Variants in CEP112 observed in about 807,000 individuals in gnomAD.
CEP112 encodes the protein centrosomal protein of 112 kDa.
Under a neutral mutation model 153.0 loss-of-function variants are expected in CEP112, and 127 were observed. The observed-to-expected ratio is 0.83, with a 90% confidence interval of 0.72 to 0.96. CEP112 has a LOEUF of 0.96. Among genes scored for constraint, CEP112 ranks in the 40% least tolerant of loss-of-function variants. CEP112 has a pLI of 0.00. For missense variants in CEP112, 1,089 were observed against 1,101.2 expected (o/e 0.99, Z 0.16); for synonymous variants, 358 against 374.4 (o/e 0.96, Z 0.51).
intron 2 of CEP112, among the ~76,000 whole-genome samples, chr17:66,177,779 T>G (rs551689230): frequency 1.3e-5 from 2 of 152,132 alleles, no homozygotes; most frequent in Non-Finnish European, 2.9e-5. Flanking sequence ...TTGTCTTAAT[T>G]TTTAGCTCCC....
chr17:66,006,417 C>A (rs1357197370), intron 16 of CEP112, among the ~76,000 whole-genome samples: 1 of 152,038 alleles, frequency 6.6e-6, no homozygotes, highest in Admixed American at 6.5e-5. Context: ...ACCAGCCTGA[C>A]CAACATGATG....
At chr17:66,094,037 C>A (rs1343219031) in intron 8 of CEP112, among the ~76,000 whole-genome samples, 1 of 151,928 alleles carries the variant, frequency 6.6e-6, no homozygotes, top group Non-Finnish European at 1.5e-5. Flanking sequence ...TTAGTGTCAA[C>A]TGATTTTCAT....
intron 22 of CEP112, among the ~76,000 whole-genome samples, chr17:65,745,334 C>A (rs1022641947): frequency 1.3e-5 from 2 of 152,164 alleles, no homozygotes; most frequent in Non-Finnish European, 2.9e-5. Flanking sequence ...CATCCATTTT[C>A]TGAATTTTGA....
chr17:66,092,242 G>A (rs989701191), intron 8 of CEP112, among the ~76,000 whole-genome samples: 1 of 151,710 alleles, frequency 6.6e-6, no homozygotes, highest in East Asian at 1.9e-4. Context: ...GTTTCACCAT[G>A]TTGGCAAGGC....
intron 21 of CEP112, among the ~76,000 whole-genome samples, chr17:65,796,204 G>A (rs896009934): frequency 1.3e-5 from 2 of 152,024 alleles, no homozygotes; most frequent in African/African-American, 4.8e-5. Flanking sequence ...TCTAATGATG[G>A]CTTCTGTAAC....
intron 4 of CEP112, among the ~76,000 whole-genome samples, chr17:66,171,216 G>C (rs1293934966): frequency 6.6e-6 from 1 of 152,126 alleles, no homozygotes; most frequent in Non-Finnish European, 1.5e-5. Flanking sequence ...GACACAAACA[G>C]CATCATCTAA....
intron 18 of CEP112, among the ~76,000 whole-genome samples, chr17:65,932,139 C>T (rs532183908): frequency 6.6e-6 from 1 of 152,180 alleles, no homozygotes; most frequent in Admixed American, 6.5e-5. Flanking sequence ...AGGAGCCACA[C>T]CTGACTTCAT....
intron 21 of CEP112, among the ~76,000 whole-genome samples, chr17:65,844,873 G>A (rs1225986684): frequency 1.3e-5 from 2 of 151,762 alleles, no homozygotes; most frequent in African/African-American, 4.8e-5. Context: ...AATTAGCCGG[G>A]CATGGTGGCG....
intron 5 of CEP112, 60 bp from the exon 6 acceptor site, chr17:66,129,883 A>T: frequency 9.2e-7 from 1 of 1,090,946 alleles, no homozygotes; most frequent in Non-Finnish European, 1.4e-6. Flanking sequence ...AAATAAAAGG[A>T]AAAGATGGAA....
intron 17 of CEP112, among the ~76,000 whole-genome samples, chr17:65,987,570 T>C (rs1468250676): frequency 6.6e-6 from 1 of 152,228 alleles, no homozygotes; most frequent in Non-Finnish European, 1.5e-5. Flanking sequence ...GAATTACATC[T>C]GATTCAGATT....
At chr17:65,833,279 T>C (rs1183902033) in intron 21 of CEP112, among the ~76,000 whole-genome samples, 5 of 152,072 alleles carry the variant, frequency 3.3e-5, no homozygotes, top group African/African-American at 1.2e-4. Context: ...CCAGAAGCAT[T>C]TCCCTTGAAA....
intron 12 of CEP112, among the ~76,000 whole-genome samples, chr17:66,041,153 T>C (rs1288181606): frequency 1.3e-5 from 2 of 151,640 alleles, no homozygotes; most frequent in East Asian, 1.9e-4. Flanking sequence ...CCTATATTAC[T>C]AGTCCCCAAA....
chr17:66,052,669 C>T (rs11079636), intron 12 of CEP112, among the ~76,000 whole-genome samples: 62,527 of 152,024 alleles, frequency 0.41, 14,322 homozygotes, highest in East Asian at 0.87. Context: ...GTCTGGTTCC[C>T]GAGTTAATAT....
chr17:65,786,469 T>C (rs906402816), intron 21 of CEP112, among the ~76,000 whole-genome samples: 2 of 152,174 alleles, frequency 1.3e-5, no homozygotes, highest in African/African-American at 4.8e-5. Context: ...TAGTGTCTTA[T>C]TTTTCATTTC....
intron 20 of CEP112, among the ~76,000 whole-genome samples, chr17:65,899,671 C>T (rs77926167): frequency 0.021 from 3,057 of 146,660 alleles, 109 homozygotes; most frequent in African/African-American, 0.07. Context: ...AAACTGTACT[C>T]ATTTAAGAAT....
intron 21 of CEP112, among the ~76,000 whole-genome samples, chr17:65,825,717 T>C (rs889843396): frequency 1.3e-5 from 2 of 151,852 alleles, no homozygotes; most frequent in South Asian, 4.2e-4. Flanking sequence ...AATAAATACA[T>C]AAGAAAGAAA....
intron 24 of CEP112, among the ~76,000 whole-genome samples, chr17:65,673,768 A>T (rs1475519578): frequency 1.3e-5 from 2 of 152,252 alleles, no homozygotes; most frequent in East Asian, 3.8e-4. Context: ...TCTTCTCAAA[A>T]AATTAAAATA....
intron 4 of CEP112, among the ~76,000 whole-genome samples, chr17:66,159,974 A>G (rs1293660624): frequency 6.6e-6 from 1 of 152,232 alleles, no homozygotes; most frequent in East Asian, 1.9e-4. Context: ...ACTTAAGGTG[A>G]TAAGCAACTT....
At chr17:65,979,723 A>G (rs1041938288) in intron 17 of CEP112, among the ~76,000 whole-genome samples, 1 of 152,196 alleles carries the variant, frequency 6.6e-6, no homozygotes, top group Non-Finnish European at 1.5e-5. Flanking sequence ...CAAGAAAAGC[A>G]AACTATTATA....
Sources: allele counts gnomAD v4.1 joint callset (sites outside exome capture counted in the v4.1 genomes callset), GRCh38; gene constraint gnomAD v4.1.1; transcripts MANE v1.5; gene names NCBI Gene and HGNC (gene_info 2026-07-23, HGNC 2026-07-21).